FGF14: variants seen among roughly 807,000 people sequenced by gnomAD.
The protein encoded by FGF14 is fibroblast growth factor homologous factor 4.
In FGF14, 5 loss-of-function variants were observed where a neutral mutation model predicts 25.5. The ratio of observed to expected loss-of-function variants is 0.20; its 90% CI spans 0.10 to 0.41. The LOEUF (loss-of-function observed/expected upper bound fraction) is 0.41. Among genes scored for constraint, FGF14 ranks in the 10% least tolerant of loss-of-function variants. FGF14 has a pLI of 1.00. For synonymous variants in FGF14, 138 were observed against 118.3 expected (o/e 1.17, Z -1.08); for missense variants, 222 against 320.1 (o/e 0.69, Z 2.34).
intron 1 of FGF14, among the ~76,000 whole-genome samples, chr13:102,120,721 C>A (rs1345492899): frequency 1.7e-5 from 2 of 115,606 alleles, no homozygotes; most frequent in East Asian, 5.1e-4. Flanking sequence ...TTTTTTTTTT[C>A]GAGACAGAGT....
chr13:102,384,578 G>A (rs1353150317), intron 1 of FGF14, among the ~76,000 whole-genome samples: 1 of 152,062 alleles, frequency 6.6e-6, no homozygotes, highest in Non-Finnish European at 1.5e-5. Flanking sequence ...TGCCCTGCAG[G>A]AAGCCTGCCA....
At chr13:101,868,897 C>T in intron 2 of FGF14, 69 bp from the exon 3 acceptor site, 1 of 1,000,462 alleles carries the variant, frequency 1.0e-6, no homozygotes, top group Non-Finnish European at 1.6e-6. Context: ...TTTTTTCTTT[C>T]TGATTTATTT....
intron 1 of FGF14, among the ~76,000 whole-genome samples, chr13:102,333,784 T>C (rs924272819): frequency 3.3e-5 from 5 of 152,168 alleles, no homozygotes; most frequent in African/African-American, 1.2e-4. Flanking sequence ...AAAGAGGTAT[T>C]TGGTCATTTG....
chr13:102,195,879 G>T (rs556408785), intron 1 of FGF14, among the ~76,000 whole-genome samples: 1 of 151,552 alleles, frequency 6.6e-6, no homozygotes, highest in South Asian at 2.1e-4. Flanking sequence ...TACTTTATCA[G>T]TAATTATACT....
At chr13:102,374,675 TATA>T (rs2057992392) in intron 1 of FGF14, among the ~76,000 whole-genome samples, 4 of 100,490 alleles carry the variant, frequency 4.0e-5, no homozygotes, top group Non-Finnish European at 9.0e-5. Flanking sequence ...TATATATATA[TATA>T]TATATATATA....
At chr13:101,875,561 CTAAT>C (rs750527334) in intron 1 of FGF14, among the ~76,000 whole-genome samples, 61 of 152,072 alleles carry the variant, frequency 4.0e-4, no homozygotes, top group Non-Finnish European at 7.8e-4. Flanking sequence ...AACTATTAAA[CTAAT>C]TAAGCTGTCA....
chr13:102,256,044 C>T (rs1373386439), intron 1 of FGF14, among the ~76,000 whole-genome samples: 1 of 152,096 alleles, frequency 6.6e-6, no homozygotes, highest in Non-Finnish European at 1.5e-5. Context: ...GTACCCAAGA[C>T]CACTCAGTTT....
At chr13:101,770,716 T>C (rs905865573) in intron 3 of FGF14, among the ~76,000 whole-genome samples, 16 of 152,086 alleles carry the variant, frequency 1.1e-4, no homozygotes, top group African/African-American at 3.9e-4. Context: ...TGGGTTAGCA[T>C]AATAGTAAGA....
intron 1 of FGF14, among the ~76,000 whole-genome samples, chr13:101,885,539 G>A (rs181935008): frequency 1.1e-3 from 168 of 152,192 alleles, no homozygotes; most frequent in African/African-American, 3.8e-3. Context: ...ACTACTCAGC[G>A]CACATTTTGG....
chr13:102,135,057 ACAC>A (rs1566730299), intron 1 of FGF14, among the ~76,000 whole-genome samples: 28 of 144,816 alleles, frequency 1.9e-4, no homozygotes, highest in African/African-American at 6.3e-4. Flanking sequence ...ACACACACAC[ACAC>A]AAATCCGCGT....
chr13:102,013,751 C>T (rs2040199146), intron 1 of FGF14, among the ~76,000 whole-genome samples: 1 of 152,156 alleles, frequency 6.6e-6, no homozygotes, highest in South Asian at 2.1e-4. Context: ...CTACTACCTA[C>T]TAGGCTTGAT....
intron 1 of FGF14, among the ~76,000 whole-genome samples, chr13:102,389,889 C>G (rs1311295276): frequency 1.3e-5 from 2 of 152,142 alleles, no homozygotes; most frequent in African/African-American, 4.8e-5. Flanking sequence ...CCCAGGAGTC[C>G]CCTGTCTTCT....
At chr13:102,073,716 C>G (rs1235713185) in intron 1 of FGF14, among the ~76,000 whole-genome samples, 1 of 152,142 alleles carries the variant, frequency 6.6e-6, no homozygotes, top group African/African-American at 2.4e-5. Context: ...TGGAAGATCT[C>G]TCTGTCATGT....
intron 3 of FGF14, among the ~76,000 whole-genome samples, chr13:101,852,689 A>G (rs1284201539): frequency 6.6e-6 from 1 of 152,048 alleles, no homozygotes; most frequent in Non-Finnish European, 1.5e-5. Context: ...CATAAGAAGA[A>G]TACTTGATGT....
At chr13:102,315,628 G>A (rs539465456) in intron 1 of FGF14, among the ~76,000 whole-genome samples, 2 of 152,252 alleles carry the variant, frequency 1.3e-5, no homozygotes, top group African/African-American at 2.4e-5. Context: ...TAGCTGTCTT[G>A]TAATCCTTCT....
intron 1 of FGF14, among the ~76,000 whole-genome samples, chr13:102,187,501 C>T (rs2140794762): frequency 1.3e-5 from 2 of 152,286 alleles, no homozygotes; most frequent in African/African-American, 4.8e-5. Context: ...TAACTCAGTG[C>T]AACAGCATCC....
intron 3 of FGF14, among the ~76,000 whole-genome samples, chr13:101,835,409 G>A (rs898773650): frequency 1.3e-5 from 2 of 151,962 alleles, no homozygotes; most frequent in African/African-American, 4.8e-5. Flanking sequence ...TCTTATTGTT[G>A]TTTTAGTTTT....
At chr13:102,141,884 T>C (rs952131623) in intron 1 of FGF14, among the ~76,000 whole-genome samples, 1 of 152,146 alleles carries the variant, frequency 6.6e-6, no homozygotes, top group African/African-American at 2.4e-5. Flanking sequence ...TTTGGAACGG[T>C]GACTGAGTTA....
At chr13:101,814,542 C>T (rs1283054399) in intron 3 of FGF14, among the ~76,000 whole-genome samples, 2 of 152,202 alleles carry the variant, frequency 1.3e-5, no homozygotes, top group Non-Finnish European at 2.9e-5. Context: ...TTTCATCATT[C>T]TTAAAAATTC....
Sources: allele counts gnomAD v4.1 joint callset (sites outside exome capture counted in the v4.1 genomes callset), GRCh38; gene constraint gnomAD v4.1.1; transcripts MANE v1.5; gene names NCBI Gene and HGNC (gene_info 2026-07-23, HGNC 2026-07-21).